ANKRD6: variants seen among roughly 807,000 people sequenced by gnomAD.
ANKRD6 encodes the protein ankyrin repeat domain 6, also known as ankyrin repeat domain-containing protein 6.
In ANKRD6, 56 loss-of-function variants were observed where a neutral mutation model predicts 82.3. That is an observed-to-expected ratio of 0.68 (90% CI 0.55 to 0.85). The LOEUF (loss-of-function observed/expected upper bound fraction) is 0.85, where lower values mean the gene tolerates loss of function less well. ANKRD6 is among the 40% of genes least tolerant of loss of function. ANKRD6 has a pLI of 0.00. For missense variants in ANKRD6, 852 were observed against 907.6 expected (o/e 0.94, Z 0.79); for synonymous variants, 347 against 352.1 (o/e 0.99, Z 0.16).
At chr6:89,532,281 CT>C (rs923079719) in intron 1 of ANKRD6, among the ~76,000 whole-genome samples, 1 of 152,238 alleles carries the variant, frequency 6.6e-6, no homozygotes, top group Admixed American at 6.5e-5. Flanking sequence ...TCACCTCCCT[CT>C]TTTGCTTTCT....
rs895342702 is a variant in ANKRD6 at position 89,543,472 on chromosome 6, C to T, written c.-143-23362C>T. 1.2e-4 allele frequency among the ~76,000 whole-genome samples: 18 copies of T among 152,296 alleles called. No homozygotes were observed. The South Asian group carries it at 2.5e-3, about 21-fold the overall frequency. Reference sequence around the variant, plus strand: ...TGGACTCCATAAGCCCCCACTCTAACGAGAGAACCACCATTTTAGATCCTG... The same window carrying T: ...TGGACTCCATAAGCCCCCACTCTAATGAGAGAACCACCATTTTAGATCCTG... On this transcript the variant is annotated intron_variant, in intron 1 of 15. Coordinates refer to ENST00000339746, the MANE Select transcript of ANKRD6 (RefSeq NM_001242809.2).
chr6:89,537,725 G>A (rs994094262), intron 1 of ANKRD6, among the ~76,000 whole-genome samples: 5 of 151,774 alleles, frequency 3.3e-5, no homozygotes, highest in Non-Finnish European at 5.9e-5. Context: ...AAGCAAGACT[G>A]TCTCTACAAA....
At chr6:89,498,561 C>G (rs148766821) in intron 1 of ANKRD6, among the ~76,000 whole-genome samples, 1 of 151,240 alleles carries the variant, frequency 6.6e-6, no homozygotes, top group African/African-American at 2.4e-5. Flanking sequence ...TGCTTTTATT[C>G]TAAATGCCAA....
intron 3 of ANKRD6, among the ~76,000 whole-genome samples, chr6:89,599,768 TGAGAA>T (rs1389422475): frequency 6.6e-6 from 1 of 152,124 alleles, no homozygotes; most frequent in Non-Finnish European, 1.5e-5. Flanking sequence ...CTTGGTTACT[TGAGAA>T]GGGTGGGTTT....
chr6:89,618,508 C>G (rs1015526348), intron 9 of ANKRD6: 7 of 279,148 alleles, frequency 2.5e-5, no homozygotes, highest in Non-Finnish European at 3.3e-5. Context: ...GTTTTCTTTC[C>G]TCTTTTACTG....
chr6:89,585,127 T>A (rs1212099772), intron 2 of ANKRD6, among the ~76,000 whole-genome samples: 1 of 152,080 alleles, frequency 6.6e-6, no homozygotes, highest in African/African-American at 2.4e-5. Context: ...ATCATATTAA[T>A]AGGTACAGAA....
chr6:89,611,471 G>A (rs1800240467), intron 5 of ANKRD6, among the ~76,000 whole-genome samples: 1 of 152,218 alleles, frequency 6.6e-6, no homozygotes, highest in South Asian at 2.1e-4. Context: ...GTTATCAGCG[G>A]CCTCACATGC....
chr6:89,536,552 C>G (rs549913935), intron 1 of ANKRD6, among the ~76,000 whole-genome samples: 1 of 152,194 alleles, frequency 6.6e-6, no homozygotes, highest in African/African-American at 2.4e-5. Flanking sequence ...CTGTGTATGT[C>G]GAAGACATGT....
At chr6:89,442,636 CAAAA>C (rs59245345) in intron 1 of ANKRD6, among the ~76,000 whole-genome samples, 14 of 97,458 alleles carry the variant, frequency 1.4e-4, no homozygotes, top group Non-Finnish European at 1.2e-4. Context: ...AACCCTGTCT[CAAAA>C]AAAAAAAAAA....
At chr6:89,434,872 A>G (rs992335939) in intron 1 of ANKRD6, among the ~76,000 whole-genome samples, 8 of 152,190 alleles carry the variant, frequency 5.3e-5, no homozygotes, top group African/African-American at 1.9e-4. Flanking sequence ...TCTGCCCTCT[A>G]GGTCATACTG....
chr6:89,475,713 CAT>C (rs1367990575), intron 1 of ANKRD6, among the ~76,000 whole-genome samples: 2 of 152,194 alleles, frequency 1.3e-5, no homozygotes, highest in African/African-American at 4.8e-5. Context: ...TGGATTTGTA[CAT>C]GTGTGGCATT....
At chr6:89,615,840 G>A (rs1347289846) in intron 7 of ANKRD6, among the ~76,000 whole-genome samples, 1 of 152,166 alleles carries the variant, frequency 6.6e-6, no homozygotes, top group African/African-American at 2.4e-5. Flanking sequence ...ATTTGGAATT[G>A]GCCCACTAAG....
intron 3 of ANKRD6, chr6:89,602,811 C>A: frequency 1.9e-6 from 1 of 539,458 alleles, no homozygotes; most frequent in Non-Finnish European, 3.3e-6. Flanking sequence ...TTAAGGTCCC[C>A]CTCTTAGTTT....
intron 5 of ANKRD6, among the ~76,000 whole-genome samples, chr6:89,608,198 T>C (rs990588793): frequency 6.6e-6 from 1 of 152,124 alleles, no homozygotes; most frequent in Non-Finnish European, 1.5e-5. Flanking sequence ...AGATTGGGTC[T>C]GTAGCAGGGG....
intron 1 of ANKRD6, among the ~76,000 whole-genome samples, chr6:89,522,302 G>GCT (rs963606931): frequency 6.6e-6 from 1 of 152,230 alleles, no homozygotes; most frequent in Non-Finnish European, 1.5e-5. Flanking sequence ...GCAGGCAACT[G>GCT]TTAGGGGCTT....
intron 1 of ANKRD6, among the ~76,000 whole-genome samples, chr6:89,534,235 C>A (rs896817309): frequency 3.9e-5 from 6 of 152,062 alleles, no homozygotes; most frequent in African/African-American, 7.2e-5. Flanking sequence ...ATGTTGCCAC[C>A]CTAACAGATT....
rs1483676393 is a variant in ANKRD6 at position 89,595,979 on chromosome 6, C to T, written c.184C>T (p.Leu62=). The part of the protein sequence containing the change: ...KGHLPVVQIL[L]KAGCDLDVQD... Reference sequence around the variant, plus strand: ...CCATCTTCCTGTGGTCCAGATCTTGCTGAAGGCTGGCTGCGACCTTGATGT... The same window carrying T: ...CCATCTTCCTGTGGTCCAGATCTTGTTGAAGGCTGGCTGCGACCTTGATGT... The change falls in exon 3 of 16, where the codon CTG becomes TTG. Residue 62 remains leucine, a synonymous_variant. Coordinates refer to ENST00000339746, the MANE Select transcript of ANKRD6 (RefSeq NM_001242809.2). 1 of 1,610,940 alleles carries T rather than the reference C, an allele frequency of 6.2e-7. No individual in the cohort carries two copies. Among genetic ancestry groups the T allele is most frequent in the Admixed American group, 1.7e-5 (1 of 59,660 alleles).
intron 1 of ANKRD6, among the ~76,000 whole-genome samples, chr6:89,524,694 A>C (rs1782257293): frequency 6.6e-6 from 1 of 152,160 alleles, no homozygotes; most frequent in African/African-American, 2.4e-5. Flanking sequence ...AAACATGCAT[A>C]TGCAAGTGTC....
At chr6:89,608,788 A>G (rs1315821674) in intron 5 of ANKRD6, among the ~76,000 whole-genome samples, 1 of 152,120 alleles carries the variant, frequency 6.6e-6, no homozygotes, top group African/African-American at 2.4e-5. Context: ...TTCCATGCTC[A>G]TTCTTAAGCA....
Sources: allele counts gnomAD v4.1 joint callset (sites outside exome capture counted in the v4.1 genomes callset), GRCh38; gene constraint gnomAD v4.1.1; transcripts MANE v1.5; gene names NCBI Gene and HGNC (gene_info 2026-07-23, HGNC 2026-07-21).